The following VSIG1 variants were observed in gnomAD, a reference collection of about 807,000 sequenced individuals.
VSIG1 encodes V-set and immunoglobulin domain containing 1, also known as V-set and immunoglobulin domain-containing protein 1.
In VSIG1, 11 loss-of-function variants were observed where a neutral mutation model predicts 20.1. The observed-to-expected ratio is 0.55, with a 90% CI of 0.34 to 0.91. VSIG1 has a LOEUF of 0.91. VSIG1 is among the 40% of genes least tolerant of loss of function. The probability of loss-of-function intolerance (pLI) is 0.02; values close to 1 mark genes in which losing one functional copy is unlikely to be tolerated. For synonymous variants in VSIG1, 126 were observed against 116.7 expected, an observed-to-expected ratio of 1.08 and a Z score of -0.52; for missense variants, 283 against 298.8, an observed-to-expected ratio of 0.95 and a Z score of 0.39.
chrX:108,036,889 G>A, the VSIG1 span, among the ~76,000 whole-genome samples: 3 of 111,935 alleles, frequency 2.7e-5, no homozygotes, highest in African/African-American at 9.7e-5. Context: ...GCAGGCAGAA[G>A]AGGGACTTTC....
chrX:108,045,029 A>G, upstream of VSIG1: 1 of 681,257 alleles, frequency 1.5e-6, no homozygotes, highest in Non-Finnish European at 2.1e-6. Flanking sequence ...TGCCCAGCAG[A>G]TAAGCCAGGC....
chrX:108,037,804 C>T, the VSIG1 span, among the ~76,000 whole-genome samples: 1 of 112,425 alleles, frequency 8.9e-6, no homozygotes, highest in Non-Finnish European at 1.9e-5. Context: ...GACTGAAATT[C>T]CTACTTTCTT....
intron 2 of VSIG1, chrX:108,064,908 T>C: frequency 4.7e-6 from 1 of 212,835 alleles, no homozygotes; most frequent in African/African-American, 3.0e-5. Flanking sequence ...CTCTGATGTA[T>C]TGAACCTCCT....
intron 2 of VSIG1, among the ~76,000 whole-genome samples, chrX:108,065,704 C>T (rs150954338): frequency 9.0e-6 from 1 of 111,590 alleles, no homozygotes; most frequent in Non-Finnish European, 1.9e-5. Flanking sequence ...AAAATATCTA[C>T]CTTAATCTAC....
At chrX:108,031,302 G>C in the VSIG1 span, among the ~76,000 whole-genome samples, 2 of 112,310 alleles carry the variant, frequency 1.8e-5, no homozygotes, top group Non-Finnish European at 3.8e-5. Context: ...TGGAATGAGT[G>C]TGTTCCTTCT....
chrX:108,050,568 A>C (rs2030764684), intron 1 of VSIG1, among the ~76,000 whole-genome samples: 1 of 112,596 alleles, frequency 8.9e-6, no homozygotes, highest in African/African-American at 3.2e-5. Context: ...GCCATCACCT[A>C]AAATAGCCCT....
intron 2 of VSIG1, among the ~76,000 whole-genome samples, chrX:108,061,830 T>C (rs1022564208): frequency 4.5e-5 from 5 of 110,217 alleles, no homozygotes; most frequent in Non-Finnish European, 5.7e-5. Flanking sequence ...AGATTAGCAA[T>C]TGACTCTGAG....
chrX:108,043,669 C>G (rs944998197), upstream of VSIG1, among the ~76,000 whole-genome samples: 2 of 111,544 alleles, frequency 1.8e-5, no homozygotes, highest in Non-Finnish European at 3.8e-5. Flanking sequence ...CGTTTGGCAT[C>G]AGACATGAGC....
rs1225923890 is a variant in VSIG1 at position 108,045,162 on chromosome X, T to C, written c.32T>C (p.Ile11Thr). Reference protein sequence around the residue: MVFAFWKVFLILSCLAGQVSV... With the variant: MVFAFWKVFLTLSCLAGQVSV... ...TTCGCATTTTGGAAGGTCTTTCTGA[T>C]CCTAAGCTGCCTTGCAGGTAAGGAA... Residue 11 changes from isoleucine to threonine, a missense_variant, in exon 1 of 7, where the codon ATC (isoleucine) becomes ACC (threonine). Coordinates refer to ENST00000217957, the MANE Select transcript of VSIG1 (RefSeq NM_182607.5). 8.4e-7 allele frequency: 1 copy of C among 1,193,481 alleles called. No individual in the cohort carries two copies. The highest frequency in any genetic ancestry group is 2.2e-5 in the Admixed American group (1 of 44,984).
At chrX:108,028,225 A>G in the VSIG1 span, among the ~76,000 whole-genome samples, 4 of 111,018 alleles carry the variant, frequency 3.6e-5, no homozygotes, top group Non-Finnish European at 7.6e-5. Context: ...GAATGACCGT[A>G]CTCCTATTCA....
chrX:108,059,370 GC>G (rs1243391302), intron 2 of VSIG1, among the ~76,000 whole-genome samples: 1 of 111,327 alleles, frequency 9.0e-6, no homozygotes, highest in African/African-American at 3.3e-5. Context: ...AGCAGGAAAT[GC>G]CGTACAGGGG....
At chrX:108,021,290 G>A in the VSIG1 span, among the ~76,000 whole-genome samples, 29 of 111,371 alleles carry the variant, frequency 2.6e-4, no homozygotes, top group Non-Finnish European at 4.7e-4. Context: ...TTGAGTTCTG[G>A]GATGTTGCTG....
At position 108,077,291 on chromosome X, in the gene VSIG1, GGAGCCA is replaced by G. The variant is rs371274224; in HGVS notation, c.1096_1101del (p.Pro366_Glu367del). 18 of 1,210,334 alleles carry G rather than the reference GGAGCCA, an allele frequency of 1.5e-5. No homozygotes were observed. The highest frequency in any genetic ancestry group is 2.3e-4 in the Middle Eastern group (1 of 4,375). On this transcript the variant is annotated inframe_deletion, in exon 7 of 7. Transcript: ENST00000217957. ...TGGAGCCAGAAACGCAGTCGGAATT[GGAGCCA>G]GAGCCAGAGCCAGAGCCAGAGTCAG... is the stretch of plus-strand genomic sequence containing the variant.
chrX:108,051,239 G>A (rs1448909132), intron 1 of VSIG1, among the ~76,000 whole-genome samples: 1 of 111,246 alleles, frequency 9.0e-6, no homozygotes, highest in Non-Finnish European at 1.9e-5. Context: ...GGAAGGCTCT[G>A]TCTCAGTGGG....
the VSIG1 span, among the ~76,000 whole-genome samples, chrX:108,030,261 G>A: frequency 0.35 from 38,888 of 110,732 alleles, 5,373 homozygotes; most frequent in Non-Finnish European, 0.42. Flanking sequence ...AGACCTGAAA[G>A]GCCAGAGAAC....
chrX:108,046,552 C>A (rs1293293815), intron 1 of VSIG1, among the ~76,000 whole-genome samples: 1 of 108,259 alleles, frequency 9.2e-6, no homozygotes. Context: ...TTGTTAAGAA[C>A]AGTTTTTTTT....
the VSIG1 span, among the ~76,000 whole-genome samples, chrX:108,029,070 T>G: frequency 8.9e-6 from 1 of 112,373 alleles, no homozygotes; most frequent in Admixed American, 9.4e-5. Flanking sequence ...TGTTGCCAAA[T>G]AAAATATGGG....
chrX:108,059,388 C>T (rs756861359), intron 2 of VSIG1, among the ~76,000 whole-genome samples: 50 of 111,525 alleles, frequency 4.5e-4, no homozygotes, highest in Non-Finnish European at 4.5e-4. Flanking sequence ...GGGGGAGATT[C>T]CATCAATGCC....
the VSIG1 span, among the ~76,000 whole-genome samples, chrX:108,038,767 A>G: frequency 8.9e-6 from 1 of 112,208 alleles, no homozygotes; most frequent in Non-Finnish European, 1.9e-5. Context: ...GCAGGGGGGA[A>G]GTATGCTAAG....
Sources: allele counts gnomAD v4.1 joint callset (sites outside exome capture counted in the v4.1 genomes callset), GRCh38; gene constraint gnomAD v4.1.1; transcripts MANE v1.5; gene names NCBI Gene and HGNC (gene_info 2026-07-23, HGNC 2026-07-21).